The following UBQLN1 variants were observed in gnomAD, a reference collection of about 807,000 sequenced individuals.
UBQLN1 encodes the protein ubiquilin 1.
In UBQLN1, 13 loss-of-function variants were observed where a neutral mutation model predicts 65.4. The observed-to-expected ratio is 0.20, with a 90% CI of 0.13 to 0.32. UBQLN1 has a LOEUF of 0.32. Among genes scored for constraint, UBQLN1 ranks in the 10% least tolerant of loss-of-function variants. UBQLN1 has a pLI of 1.00. For synonymous variants in UBQLN1, 267 were observed against 247.8 expected (o/e 1.08, Z -0.73); for missense variants, 561 against 724.0 (o/e 0.77, Z 2.58).
rs1014149176 is a variant in UBQLN1 at position 83,707,901 on chromosome 9, T to C, written c.-222A>G. On this transcript the variant is annotated 5_prime_UTR_variant, in exon 1 of 11. Coordinates refer to ENST00000376395, the MANE Select transcript of UBQLN1 (RefSeq NM_013438.5). ...GGTCAGGCGCTCGGCAGCCGCCGTGTGTTCAGGCGCCGCTCGCTCACACCG... is the reference window on the plus strand; with the variant it reads ...GGTCAGGCGCTCGGCAGCCGCCGTGCGTTCAGGCGCCGCTCGCTCACACCG... 1.2e-5 allele frequency: 7 copies of C among 577,158 alleles called. No homozygotes were observed. The East Asian group carries it at 2.1e-4, about 17-fold the overall frequency. 35.8% of individuals were successfully genotyped at this position (577,158 alleles called of 1,614,324 possible).
At chr9:83,674,467 AAAAT>A (rs1430324342) in intron 6 of UBQLN1, among the ~76,000 whole-genome samples, 1 of 152,168 alleles carries the variant, frequency 6.6e-6, no homozygotes, top group Non-Finnish European at 1.5e-5. Flanking sequence ...TTTTTCACAA[AAAAT>A]AAAAATGAAA....
chr9:83,661,986 C>G lies in UBQLN1; in HGVS notation c.1618-47G>C, dbSNP rs900663417. 3.8e-6 allele frequency: 6 copies of G among 1,562,512 alleles called. No individual in the cohort carries two copies. The African/African-American group carries it at 8.3e-5, about 22-fold the overall frequency. On this transcript the variant is annotated intron_variant, in intron 10 of 10. Transcript: ENST00000376395. ...AATCCAACTCTAAAGGAAGCCAGTC[C>G]CTGCCACACATGACTTTTAAAATTT... is the stretch of plus-strand genomic sequence containing the variant.
At chr9:83,676,096 G>C (rs1427036195) in intron 6 of UBQLN1, among the ~76,000 whole-genome samples, 1 of 152,142 alleles carries the variant, frequency 6.6e-6, no homozygotes, top group Non-Finnish European at 1.5e-5. Context: ...TTCTAGAGTA[G>C]GTGCTTACAG....
intron 1 of UBQLN1, among the ~76,000 whole-genome samples, chr9:83,691,853 T>C (rs1364932856): frequency 1.3e-5 from 2 of 152,210 alleles, no homozygotes; most frequent in East Asian, 1.9e-4. Flanking sequence ...ATGCTAAAAG[T>C]TGGAAAACAT....
At chr9:83,667,674 T>G in intron 7 of UBQLN1, 1 of 985,354 alleles carries the variant, frequency 1.0e-6, no homozygotes, top group Non-Finnish European at 1.2e-6. Flanking sequence ...CTTCATTTCA[T>G]CTTAAAAAAG....
At chr9:83,675,741 G>C (rs1330844731) in intron 6 of UBQLN1, among the ~76,000 whole-genome samples, 1 of 152,092 alleles carries the variant, frequency 6.6e-6, no homozygotes, top group Non-Finnish European at 1.5e-5. Context: ...AAAATCAAAT[G>C]CTTTTGGAAT....
intron 1 of UBQLN1, among the ~76,000 whole-genome samples, chr9:83,690,672 T>C (rs1412516601): frequency 1.3e-5 from 2 of 151,922 alleles, no homozygotes; most frequent in African/African-American, 4.8e-5. Flanking sequence ...AGTTGGAGGC[T>C]GCAGTGAGCT....
chr9:83,667,733 C>T (rs2542775), intron 7 of UBQLN1: 627,952 of 979,930 alleles, frequency 0.64, 203,397 homozygotes, highest in East Asian at 0.88. Context: ...TTATTAGATA[C>T]TTCTTATAAC....
In UBQLN1 at chr9:83,679,818, G is replaced by C; in HGVS notation, c.668C>G (p.Pro223Arg). 6.2e-7 allele frequency: 1 copy of C among 1,614,054 alleles called. No homozygotes were observed. Among genetic ancestry groups the C allele is most frequent in the Non-Finnish European group, 8.5e-7 (1 of 1,179,970 alleles). Residue 223 changes from proline to arginine, a missense_variant, in exon 4 of 11, where the codon CCA becomes CGA. Pro to Arg is a moderately radical substitution (Grantham distance 103). Coordinates refer to ENST00000376395, the MANE Select transcript of UBQLN1 (RefSeq NM_013438.5). ...ATTATTCAACATATGACTAATTTCT[G>C]GATTTCTCTGTATCAACTGCTGCAT... ...PQMQQLIQRN[P>R]EISHMLNNPD...
At chr9:83,663,305 T>G (rs1270590390) in intron 10 of UBQLN1, among the ~76,000 whole-genome samples, 1 of 152,192 alleles carries the variant, frequency 6.6e-6, no homozygotes, top group African/African-American at 2.4e-5. Context: ...CGATCATCTT[T>G]ATATAATGGC....
chr9:83,685,634 G>C (rs1219754017), intron 2 of UBQLN1, among the ~76,000 whole-genome samples: 1 of 138,144 alleles, frequency 7.2e-6, no homozygotes, highest in African/African-American at 2.8e-5. Flanking sequence ...AAAAAAAAAA[G>C]TTCCTTAGAC....
intron 2 of UBQLN1, among the ~76,000 whole-genome samples, chr9:83,685,270 T>C (rs1832021110): frequency 6.6e-6 from 1 of 152,144 alleles, no homozygotes; most frequent in Non-Finnish European, 1.5e-5. Context: ...AGAGCTCTTT[T>C]AAGCAATGCT....
In UBQLN1 at chr9:83,679,980, G is replaced by C; in HGVS notation, c.506C>G (p.Ser169Cys). 1.2e-6 allele frequency: 2 copies of C among 1,614,162 alleles called. No homozygotes were observed. Among genetic ancestry groups the C allele is most frequent in the Non-Finnish European group, 1.7e-6 (2 of 1,180,016 alleles). The change falls in exon 4 of 11, where the codon TCT (serine) becomes TGT (cysteine). Residue 169 changes from serine to cysteine, a missense_variant. Around this residue, in one of 8 missense-constraint regions of UBQLN1, gnomAD observed 87 missense variants for 88.8 expected, o/e 0.98. Coordinates refer to ENST00000376395, the MANE Select transcript of UBQLN1 (RefSeq NM_013438.5). The part of the protein sequence containing the change: ...SSLGLNTTNF[S>C]ELQSQMQRQL... ...TCGCTGCATCTGACTCTGTAGTTCA[G>C]AGAAGTTGGTAGTATTCAAACCCAA...
At chr9:83,688,450 A>G (rs1240923823) in intron 1 of UBQLN1, among the ~76,000 whole-genome samples, 1 of 152,184 alleles carries the variant, frequency 6.6e-6, no homozygotes, top group African/African-American at 2.4e-5. Context: ...TAAACTCAGA[A>G]ATGCTTTCCA....
At chr9:83,707,420 C>T (rs1832430141) in intron 1 of UBQLN1, 80 bp downstream of exon 1, 2 of 1,440,272 alleles carry the variant, frequency 1.4e-6, no homozygotes, top group Admixed American at 2.6e-5. Flanking sequence ...TCTCCCAGGC[C>T]CTTCCAAAAG....
intron 1 of UBQLN1, among the ~76,000 whole-genome samples, chr9:83,700,619 T>C (rs1832294543): frequency 6.6e-6 from 1 of 152,154 alleles, no homozygotes. Flanking sequence ...AGATACTACC[T>C]GGAGAAACTG....
At position 83,677,938 on chromosome 9, in the gene UBQLN1, G is replaced by GGAAGC; in HGVS notation, c.889_893dup (p.Val300ProfsTer3). The GGAAGC allele has an allele frequency of 6.2e-7, 1 of 1,612,882 alleles. No homozygotes were observed. The highest frequency in any genetic ancestry group is 8.5e-7 in the Non-Finnish European group (1 of 1,179,224). ...CACCAGAGGATGTATTGCTCACCAA[G>GGAAGC]GAAGCAAATGGATTACCACCAAACT... On this transcript the variant is annotated frameshift_variant, in exon 6 of 11. Transcript: ENST00000376395. LOFTEE classifies it high-confidence loss of function.
intron 6 of UBQLN1, among the ~76,000 whole-genome samples, chr9:83,670,829 C>A (rs1337346936): frequency 6.6e-6 from 1 of 152,170 alleles, no homozygotes; most frequent in Non-Finnish European, 1.5e-5. Context: ...CAATAATGTT[C>A]ACAGCATCTT....
Position 83,664,923 on chromosome 9 carries a change from CAAAAAAAA to C in UBQLN1, c.1448+99_1448+106del, listed in dbSNP as rs539581441. 38 of 226,804 alleles carry C rather than the reference CAAAAAAAA, an allele frequency of 1.7e-4. 1 individual carries two copies. The highest frequency in any genetic ancestry group is 2.5e-4 in the Admixed American group (2 of 7,940). 14.0% of individuals were successfully genotyped at this position (226,804 alleles called of 1,614,324 possible). On this transcript the variant is annotated intron_variant, in intron 9 of 10. Coordinates refer to ENST00000376395, the MANE Select transcript of UBQLN1 (RefSeq NM_013438.5). ...CGAAGGGCGAGACCCTGTATCCCACCAAAAAAAAAAAAAAAAAAAAAAAGGCAGGCAGA... is the reference window on the plus strand; with the variant it reads ...CGAAGGGCGAGACCCTGTATCCCACCAAAAAAAAAAAAAAAGGCAGGCAGA...
Sources: gnomAD v4.1 joint callset for allele counts (sites outside exome capture counted in the v4.1 genomes callset) on GRCh38, gnomAD v4.1.1 for gene constraint, gnomAD v4.1.1 regional missense constraint, MANE v1.5 for transcripts, NCBI Gene and HGNC (gene_info 2026-07-23, HGNC 2026-07-21) for gene names.